The following ACOX3 variants were observed in gnomAD, a reference collection of about 807,000 sequenced individuals.
ACOX3 encodes the protein peroxisomal acyl-coenzyme A oxidase 3.
ACOX3 carries 73 observed loss-of-function variants against 81.5 expected under a neutral mutation model. The ratio of observed to expected loss-of-function variants is 0.90; its 90% CI spans 0.74 to 1.09. The LOEUF is 1.09. Among genes scored for constraint, ACOX3 ranks in the 50% least tolerant of loss-of-function variants. ACOX3 has a pLI of 0.00. For missense variants in ACOX3, 947 were observed against 928.0 expected (o/e 1.02, Z -0.27); for synonymous variants, 387 against 375.1 (o/e 1.03, Z -0.37).
At chr4:8,403,331 TG>T (rs1363273657) in intron 7 of ACOX3, among the ~76,000 whole-genome samples, 2 of 152,188 alleles carry the variant, frequency 1.3e-5, no homozygotes, top group African/African-American at 4.8e-5. Flanking sequence ...GAGGGAACAC[TG>T]GTATCACTGC....
In ACOX3 at chr4:8,382,129, G is replaced by C. The variant is rs879623783; in HGVS notation, c.1538-522C>G. Among the ~76,000 whole-genome samples, 14 of 152,342 alleles carry C rather than the reference G, an allele frequency of 9.2e-5. No homozygotes were observed. Among genetic ancestry groups the C allele is most frequent in the African/African-American group, 3.1e-4 (13 of 41,590 alleles). On this transcript the variant is annotated intron_variant, in intron 13 of 17. Transcript: ENST00000356406. This position sits in a 1 kb window ranked among gnomAD's most constrained non-coding sequence, Gnocchi z 4.1. The stretch of plus-strand genomic sequence containing the variant: ...CTGTGGAACTGGGGACTGACATGGT[G>C]GGGGAGGGGGGAACCTAAGGCCTCA...
downstream of ACOX3, among the ~76,000 whole-genome samples, chr4:8,362,260 A>T (rs12508944): frequency 0.24 from 36,566 of 152,194 alleles, 4,794 homozygotes; most frequent in African/African-American, 0.35. Context: ...TAACTAAATT[A>T]ACTGAACCAA....
At chr4:8,391,155 G>A (rs552148543) in intron 11 of ACOX3, among the ~76,000 whole-genome samples, 3 of 152,172 alleles carry the variant, frequency 2.0e-5, no homozygotes, top group East Asian at 1.9e-4. Flanking sequence ...ATAGAATCCC[G>A]ATGAGTTACA....
Position 8,381,651 on chromosome 4 carries a change from C to T in ACOX3, c.1538-44G>A. 1 of 1,468,826 alleles carries T rather than the reference C, an allele frequency of 6.8e-7. No individual in the cohort carries two copies. Among genetic ancestry groups the T allele is most frequent in the Non-Finnish European group, 9.5e-7 (1 of 1,053,640 alleles). The allele number at this position is 1,468,826 out of a possible 1,614,324, so 91.0% of individuals were successfully genotyped here. The stretch of plus-strand genomic sequence containing the variant: ...AAGGAGAAAAAGTAACAATAGAGAA[C>T]ACAGCATTTGTCACAACTCACCCCC... On this transcript the variant is annotated intron_variant, in intron 13 of 17. Transcript: ENST00000356406. The surrounding 1 kb of genome is among the most constrained non-coding windows in gnomAD (Gnocchi z 4.3).
chr4:8,392,230 C>T (rs936186310), intron 11 of ACOX3, 103 bp downstream of exon 11: 7 of 1,316,836 alleles, frequency 5.3e-6, no homozygotes, highest in African/African-American at 3.0e-5. Context: ...AAACAGGTGG[C>T]AGGCTGGATT....
chr4:8,366,904 C>T lies in ACOX3; in HGVS notation c.*57G>A. The T allele has an allele frequency of 1.3e-6, 2 of 1,597,036 alleles. No homozygotes were observed. Among genetic ancestry groups the T allele is most frequent in the South Asian group, 2.2e-5 (2 of 90,126 alleles). On this transcript the variant is annotated 3_prime_UTR_variant, in exon 18 of 18. Coordinates refer to ENST00000356406, the MANE Select transcript of ACOX3 (RefSeq NM_003501.3). ...TGTTCTGGAATCAGAAGTTGAGGTC[C>T]ACGTCTGATTAGTTCCCTTCGTTTC...
intron 8 of ACOX3, among the ~76,000 whole-genome samples, chr4:8,398,791 C>T (rs149437203): frequency 6.6e-6 from 1 of 152,304 alleles, no homozygotes; most frequent in African/African-American, 2.4e-5. Flanking sequence ...TTTCTTTAAT[C>T]CTCTCCTTCT....
rs1411934951 is a variant in ACOX3, at chr4:8,406,514, G to A, written c.688-471C>T. Among the ~76,000 whole-genome samples, 1 of 152,132 alleles carries A rather than the reference G, an allele frequency of 6.6e-6. No homozygotes were observed. Among genetic ancestry groups the A allele is most frequent in the Non-Finnish European group, 1.5e-5 (1 of 68,026 alleles). On this transcript the variant is annotated intron_variant, in intron 6 of 17. Transcript: ENST00000356406. The surrounding 1 kb of genome is among the most constrained non-coding windows in gnomAD (Gnocchi z 5.6). ...TAAAAGAAAAGACGGCTGGGTCCGG[G>A]GGACCACTACCACCAAGACACGGAG...
chr4:8,410,305 G>T lies in ACOX3; in HGVS notation c.594C>A (p.Gly198=), dbSNP rs144256797. Residue 198 remains glycine (G), a synonymous_variant, in exon 6 of 18, where the codon GGC becomes GGA. Coordinates refer to ENST00000356406, the MANE Select transcript of ACOX3 (RefSeq NM_003501.3). Reference sequence around the variant, plus strand: ...CGTGAGTGGCTGTCTTGCCCATGTTGCCAACCCAAAACTTGGCAGCTTCGA... The same window carrying T: ...CGTGAGTGGCTGTCTTGCCCATGTTTCCAACCCAAAACTTGGCAGCTTCGA... The part of the protein sequence containing the change: ...PDFEAAKFWV[G]NMGKTATHAV... The T allele has an allele frequency of 8.7e-6, 14 of 1,614,010 alleles. No homozygotes were observed. In the African/African-American group the frequency reaches 1.1e-4, roughly 12 times the overall value.
At chr4:8,425,811 C>G (rs982755376) in intron 1 of ACOX3, among the ~76,000 whole-genome samples, 1 of 151,974 alleles carries the variant, frequency 6.6e-6, no homozygotes, top group Non-Finnish European at 1.5e-5. Flanking sequence ...TCGGACTTCC[C>G]TGAGACTTAC....
At position 8,414,772 on chromosome 4, in the gene ACOX3, C is replaced by T; in HGVS notation, c.453+82G>A. ...GCATAAGCCCCCTGGGCACCCCCTT[C>T]TACAATCTTCTCTTTTCACAAATCT... On this transcript the variant is annotated intron_variant, in intron 4 of 17. Coordinates refer to ENST00000356406, the MANE Select transcript of ACOX3 (RefSeq NM_003501.3). The surrounding 1 kb of genome is among the most constrained non-coding windows in gnomAD (Gnocchi z 6.1). The T allele has an allele frequency of 6.9e-7, 1 of 1,450,198 alleles. No homozygotes were observed. The highest frequency in any genetic ancestry group is 9.7e-7 in the Non-Finnish European group (1 of 1,032,288). 89.8% of individuals were successfully genotyped at this position (1,450,198 alleles called of 1,614,324 possible).
Position 8,372,655 on chromosome 4 carries a change from G to GCTTT in ACOX3, c.1896+902_1896+905dup, listed in dbSNP as rs1716366395. 3.9e-5 allele frequency among the ~76,000 whole-genome samples: 6 copies of GCTTT among 152,322 alleles called. No individual in the cohort carries two copies. In the South Asian group the frequency reaches 1.2e-3, roughly 32 times the overall value. On this transcript the variant is annotated intron_variant, in intron 16 of 17. Coordinates refer to ENST00000356406, the MANE Select transcript of ACOX3 (RefSeq NM_003501.3). Reference sequence around the variant, plus strand: ...TCTGGAACCGCAGGCTCAGGGAAGGGCTTTATACAACGAATCCCGAGAGAG... The same window carrying GCTTT: ...TCTGGAACCGCAGGCTCAGGGAAGGGCTTTCTTTATACAACGAATCCCGAGAGAG...
At chr4:8,413,266 A>ATGCACCCCT (rs1721955784) in intron 5 of ACOX3, among the ~76,000 whole-genome samples, 1 of 28,508 alleles carries the variant, frequency 3.5e-5, no homozygotes, top group Admixed American at 4.4e-4. Flanking sequence ...GCACCCCTCC[A>ATGCACCCCT]CAGCACTGAC....
chr4:8,363,670 TTAAGGCA>T (rs778826765), downstream of ACOX3, among the ~76,000 whole-genome samples: 20 of 152,186 alleles, frequency 1.3e-4, 2 homozygotes, highest in Non-Finnish European at 1.5e-5. Flanking sequence ...TCCCAGACAC[TTAAGGCA>T]TTAAGTCACA....
chr4:8,416,128 G>T lies in ACOX3; in HGVS notation c.145-129C>A. ...TCTGACCCGGAGACACCCAGACAGA[G>T]ATATGACTATCATTCCCAATGGACT... is the stretch of plus-strand genomic sequence containing the variant. On this transcript the variant is annotated intron_variant, in intron 2 of 17. Coordinates refer to ENST00000356406, the MANE Select transcript of ACOX3 (RefSeq NM_003501.3). The surrounding 1 kb of genome is among the most constrained non-coding windows in gnomAD (Gnocchi z 4.2). 9.7e-7 allele frequency: 1 copy of T among 1,034,454 alleles called. No individual in the cohort carries two copies. Among genetic ancestry groups the T allele is most frequent in the Non-Finnish European group, 1.4e-6 (1 of 700,424 alleles). 64.1% of individuals were successfully genotyped at this position (1,034,454 alleles called of 1,614,324 possible).
In ACOX3 at chr4:8,382,959, C is replaced by A. The variant is rs571495317; in HGVS notation, c.1538-1352G>T. ...TGAGCCGAGATCGCGCCACTGCACT[C>A]CAGCCTGGGCGACAGAGCGAGACTC... is the stretch of plus-strand genomic sequence containing the variant. On this transcript the variant is annotated intron_variant, in intron 13 of 17. Transcript: ENST00000356406. The surrounding 1 kb of genome is among the most constrained non-coding windows in gnomAD (Gnocchi z 4.1). Among the ~76,000 whole-genome samples, 2 of 148,704 alleles carry A rather than the reference C, an allele frequency of 1.3e-5. No individual in the cohort carries two copies. Among genetic ancestry groups the A allele is most frequent in the Non-Finnish European group, 3.0e-5 (2 of 67,478 alleles).
chr4:8,426,706 T>C (rs1197714593), intron 1 of ACOX3, among the ~76,000 whole-genome samples: 1 of 152,072 alleles, frequency 6.6e-6, no homozygotes, highest in Non-Finnish European at 1.5e-5. Flanking sequence ...CATATGCCCC[T>C]GCACTTCGGG....
intron 5 of ACOX3, 109 bp from the exon 6 acceptor site, chr4:8,410,464 C>T: frequency 7.0e-7 from 1 of 1,431,666 alleles, no homozygotes; most frequent in Non-Finnish European, 9.5e-7. Flanking sequence ...ATCTCTGAGG[C>T]AAGAGTTGAA....
chr4:8,365,606 G>C (rs1715362060), downstream of ACOX3, among the ~76,000 whole-genome samples: 1 of 152,184 alleles, frequency 6.6e-6, no homozygotes, highest in African/African-American at 2.4e-5. Flanking sequence ...AAACGGCACA[G>C]CTCACCCCAC....
Sources: gnomAD v4.1 joint callset for allele counts (sites outside exome capture counted in the v4.1 genomes callset) on GRCh38, gnomAD v4.1.1 for gene constraint, Gnocchi (gnomAD v3.1) non-coding constraint, MANE v1.5 for transcripts, NCBI Gene and HGNC (gene_info 2026-07-23, HGNC 2026-07-21) for gene names.